The following STX8 variants were observed in gnomAD, a reference collection of about 807,000 sequenced individuals.
The protein encoded by STX8 is syntaxin 8, also known as syntaxin-8.
A neutral mutation model predicts 37.5 loss-of-function variants in STX8; 23 were observed. The observed-to-expected ratio is 0.61, with a 90% confidence interval of 0.44 to 0.87. The LOEUF is 0.87. Ranked by LOEUF, STX8 falls within the 40% of genes least tolerant of loss-of-function variation. The probability of loss-of-function intolerance (pLI) is 0.00; values close to 1 mark genes in which losing one functional copy is unlikely to be tolerated. For synonymous variants in STX8, 115 were observed against 99.1 expected (o/e 1.16, Z -0.95); for missense variants, 313 against 284.7 (o/e 1.10, Z -0.71).
chr17:9,521,330 A>G (rs1252402097), intron 4 of STX8, among the ~76,000 whole-genome samples: 2 of 152,214 alleles, frequency 1.3e-5, no homozygotes, highest in Admixed American at 6.5e-5. Context: ...AAATTCCACA[A>G]GTGTTGATGA....
intron 7 of STX8, among the ~76,000 whole-genome samples, chr17:9,316,884 C>T (rs765045094): frequency 6.6e-5 from 10 of 152,152 alleles, no homozygotes; most frequent in Non-Finnish European, 1.3e-4. Flanking sequence ...CATTAAATTA[C>T]AGGACATCTA....
Position 9,559,756 on chromosome 17 carries a change from A to ATTTTTTTTTTT in STX8, c.118-2229_118-2228insAAAAAAAAAAA, listed in dbSNP as rs1214621506. Reference sequence around the variant, plus strand: ...ATTTTATATATATATATATATATATATATATTTTTTTTTTTTTTTTTTTTG... The same window carrying ATTTTTTTTTTT: ...ATTTTATATATATATATATATATATATTTTTTTTTTTTATATTTTTTTTTTTTTTTTTTTTG... On this transcript the variant is annotated intron_variant, in intron 2 of 7. Coordinates refer to ENST00000306357, the MANE Select transcript of STX8 (RefSeq NM_004853.3). Among the ~76,000 whole-genome samples the ATTTTTTTTTTT allele has an allele frequency of 3.9e-4, 12 of 31,136 alleles. 2 individuals are homozygous for ATTTTTTTTTTT. Among genetic ancestry groups the ATTTTTTTTTTT allele is most frequent in the African/African-American group, 1.5e-3 (11 of 7,152 alleles). The allele number at this position is 31,136 out of a possible 152,430, so 20.4% of individuals were successfully genotyped here.
chr17:9,559,735 T>TTTATATATATATATAC (rs1491193222), intron 2 of STX8, among the ~76,000 whole-genome samples: 28 of 28,324 alleles, frequency 9.9e-4, no homozygotes, highest in African/African-American at 2.9e-3. Context: ...ATTATTATTT[T>TTTATATATATATATAC]ATATATATAT....
At chr17:9,370,185 A>G (rs1247799116) in intron 7 of STX8, among the ~76,000 whole-genome samples, 1 of 152,200 alleles carries the variant, frequency 6.6e-6, no homozygotes, top group Non-Finnish European at 1.5e-5. Context: ...ATTGCACTCC[A>G]GCCTGGGCGA....
In STX8 at chr17:9,309,850, C is replaced by T. The variant is rs151169083; in HGVS notation, c.644-59205G>A. Among the ~76,000 whole-genome samples the T allele has an allele frequency of 5.2e-3, 792 of 152,270 alleles. 6 individuals are homozygous for T. Among genetic ancestry groups the T allele is most frequent in the African/African-American group, 0.018 (744 of 41,540 alleles). On this transcript the variant is annotated intron_variant, in intron 7 of 7. Coordinates refer to ENST00000306357, the MANE Select transcript of STX8 (RefSeq NM_004853.3). ...ATAACTCTAGAAAAATAGGGTCTTACTGACTTCCTTGGATTAACTTCATAA... is the reference window on the plus strand; with the variant it reads ...ATAACTCTAGAAAAATAGGGTCTTATTGACTTCCTTGGATTAACTTCATAA...
chr17:9,485,075 G>T (rs1483360224), intron 6 of STX8, among the ~76,000 whole-genome samples: 1 of 152,184 alleles, frequency 6.6e-6, no homozygotes, highest in Non-Finnish European at 1.5e-5. Flanking sequence ...GACTGCTTAA[G>T]CCCAGGAATT....
chr17:9,559,760 A>ATATATATATATATATATATTTTTTTT, intron 2 of STX8, among the ~76,000 whole-genome samples: 1 of 24,492 alleles, frequency 4.1e-5, no homozygotes, highest in African/African-American at 1.9e-4. Flanking sequence ...ATATATATAT[A>ATATATATATATATATATATTTTTTTT]TTTTTTTTTT....
intron 7 of STX8, among the ~76,000 whole-genome samples, chr17:9,342,034 A>G (rs1348669981): frequency 6.6e-6 from 1 of 152,012 alleles, no homozygotes; most frequent in Non-Finnish European, 1.5e-5. Flanking sequence ...CACAGAAGAC[A>G]ATTTTTCCAC....
chr17:9,363,564 G>A (rs1047030016), intron 7 of STX8, among the ~76,000 whole-genome samples: 2 of 152,202 alleles, frequency 1.3e-5, no homozygotes, highest in Admixed American at 6.5e-5. Flanking sequence ...GGTCCCAGCA[G>A]GTGGGTGAAA....
At chr17:9,478,782 A>G (rs1467865828) in intron 6 of STX8, among the ~76,000 whole-genome samples, 1 of 152,076 alleles carries the variant, frequency 6.6e-6, no homozygotes, top group African/African-American at 2.4e-5. Flanking sequence ...TCCAGCTTGC[A>G]AAGTTCTCTG....
intron 6 of STX8, among the ~76,000 whole-genome samples, chr17:9,393,441 A>G (rs1912294966): frequency 6.6e-6 from 1 of 152,238 alleles, no homozygotes; most frequent in Non-Finnish European, 1.5e-5. Context: ...TTGGATAAAT[A>G]TTCTCCAGCT....
intron 7 of STX8, among the ~76,000 whole-genome samples, chr17:9,272,956 A>C (rs1196156027): frequency 2.0e-5 from 3 of 152,264 alleles, no homozygotes; most frequent in Admixed American, 2.0e-4. Context: ...CAATCTTTTC[A>C]ATCCACATTA....
In STX8 at chr17:9,299,386, C is replaced by T. The variant is rs138041040; in HGVS notation, c.644-48741G>A. Among the ~76,000 whole-genome samples, 4 of 151,210 alleles carry T rather than the reference C, an allele frequency of 2.6e-5. No individual in the cohort carries two copies. In the East Asian group the frequency reaches 5.8e-4, roughly 22 times the overall value. On this transcript the variant is annotated intron_variant, in intron 7 of 7. Coordinates refer to ENST00000306357, the MANE Select transcript of STX8 (RefSeq NM_004853.3). Reference sequence around the variant, plus strand: ...GAACTGTATTTCAGCCACAAAACCTCGATGATTTGGAAGGAAAAGAGGGGA... The same window carrying T: ...GAACTGTATTTCAGCCACAAAACCTTGATGATTTGGAAGGAAAAGAGGGGA...
At chr17:9,339,753 G>A (rs1231010144) in intron 7 of STX8, among the ~76,000 whole-genome samples, 1 of 152,098 alleles carries the variant, frequency 6.6e-6, no homozygotes, top group Non-Finnish European at 1.5e-5. Context: ...GAATGTGCCC[G>A]GCTTCTGTCA....
intron 6 of STX8, among the ~76,000 whole-genome samples, chr17:9,385,252 T>C (rs149286900): frequency 2.6e-5 from 4 of 152,320 alleles, no homozygotes; most frequent in African/African-American, 7.2e-5. Flanking sequence ...CTCATCAGCA[T>C]TGAACACAGT....
chr17:9,259,221 CTTG>C lies in STX8; in HGVS notation c.644-8579_644-8577del, dbSNP rs532802521. Among the ~76,000 whole-genome samples, 504 of 152,278 alleles carry C rather than the reference CTTG, an allele frequency of 3.3e-3. 4 individuals are homozygous for C. The highest frequency in any genetic ancestry group is 3.2e-3 in the Non-Finnish European group (220 of 68,022). On this transcript the variant is annotated intron_variant, in intron 7 of 7. Coordinates refer to ENST00000306357, the MANE Select transcript of STX8 (RefSeq NM_004853.3). ...GACTGAAAAATCCTGACTTCACAGG[CTTG>C]TTGTGAGGATTTCGGAAGATACAGT...
intron 4 of STX8, among the ~76,000 whole-genome samples, chr17:9,528,227 T>C (rs117910424): frequency 0.014 from 2,120 of 152,300 alleles, 27 homozygotes; most frequent in Non-Finnish European, 0.022. Flanking sequence ...CAGCCAATCC[T>C]GGTTACTTGA....
intron 6 of STX8, among the ~76,000 whole-genome samples, chr17:9,406,664 TAA>T (rs1370810498): frequency 1.3e-5 from 2 of 152,264 alleles, no homozygotes; most frequent in African/African-American, 4.8e-5. Flanking sequence ...TAGCAAATGA[TAA>T]AATAGATGAG....
Position 9,273,589 on chromosome 17 carries a change from G to C in STX8, c.644-22944C>G, listed in dbSNP as rs1384643858. On this transcript the variant is annotated intron_variant, in intron 7 of 7. Transcript: ENST00000306357. ...CAGCTCCTGCCGGGGGTGGGAAGTAGAGCTCGTCCCACATCCTTTCCTCAT... is the reference window on the plus strand; with the variant it reads ...CAGCTCCTGCCGGGGGTGGGAAGTACAGCTCGTCCCACATCCTTTCCTCAT... Among the ~76,000 whole-genome samples the C allele has an allele frequency of 2.0e-5, 3 of 152,238 alleles. No individual in the cohort carries two copies. The East Asian group carries it at 5.8e-4, about 29-fold the overall frequency.
Sources: gnomAD v4.1 joint callset for allele counts (sites outside exome capture counted in the v4.1 genomes callset) on GRCh38, gnomAD v4.1.1 for gene constraint, MANE v1.5 for transcripts, NCBI Gene and HGNC (gene_info 2026-07-23, HGNC 2026-07-21) for gene names.